Variants in DOK5 observed in about 807,000 individuals in gnomAD.
DOK5 encodes downstream of tyrosine kinase 5.
A neutral mutation model predicts 43.3 loss-of-function variants in DOK5; 27 were observed. The ratio of observed to expected loss-of-function variants is 0.62; its 90% confidence interval spans 0.46 to 0.86. DOK5 has a LOEUF of 0.86. DOK5 is among the 40% of genes least tolerant of loss of function. The pLI, the probability that DOK5 is intolerant of heterozygous loss-of-function variation, is 0.00. For synonymous variants in DOK5, 146 were observed against 140.1 expected (o/e 1.04, Z -0.30); for missense variants, 373 against 392.9 (o/e 0.95, Z 0.43).
intron 6 of DOK5, among the ~76,000 whole-genome samples, chr20:54,614,797 C>A (rs189178502): frequency 6.6e-6 from 1 of 152,068 alleles, no homozygotes; most frequent in Non-Finnish European, 1.5e-5. Flanking sequence ...AGGAGTTAAA[C>A]GAGGGATTGT....
chr20:54,623,690 C>T (rs1600745659), intron 6 of DOK5, among the ~76,000 whole-genome samples: 2 of 152,166 alleles, frequency 1.3e-5, no homozygotes, highest in East Asian at 3.9e-4. Context: ...AGCAATTCTC[C>T]TGCCTCAGCC....
chr20:54,609,698 C>G (rs946098651), intron 5 of DOK5, among the ~76,000 whole-genome samples: 5 of 152,030 alleles, frequency 3.3e-5, no homozygotes, highest in Non-Finnish European at 1.5e-5. Flanking sequence ...ATTTATTTCT[C>G]TTTGTTTACC....
chr20:54,571,668 C>G (rs570900609), intron 2 of DOK5, among the ~76,000 whole-genome samples: 5 of 152,132 alleles, frequency 3.3e-5, no homozygotes, highest in Non-Finnish European at 7.4e-5. Context: ...GACTGAGGAC[C>G]ACTGGCCTGT....
intron 6 of DOK5, among the ~76,000 whole-genome samples, chr20:54,616,020 AG>A (rs1306604252): frequency 1.3e-5 from 2 of 152,190 alleles, no homozygotes; most frequent in Non-Finnish European, 2.9e-5. Flanking sequence ...TAGAACCGTA[AG>A]ACAATAAATT....
chr20:54,593,744 C>A (rs1189243143), intron 5 of DOK5, among the ~76,000 whole-genome samples: 1 of 152,112 alleles, frequency 6.6e-6, no homozygotes, highest in Non-Finnish European at 1.5e-5. Context: ...TGGAATCAAC[C>A]CAAATGCTCA....
At chr20:54,517,570 A>C (rs1983242101) in intron 1 of DOK5, among the ~76,000 whole-genome samples, 1 of 152,138 alleles carries the variant, frequency 6.6e-6, no homozygotes, top group African/African-American at 2.4e-5. Context: ...GTTTTCTTTT[A>C]TAGGCTTTAT....
chr20:54,488,865 T>A (rs1159998502), intron 1 of DOK5, among the ~76,000 whole-genome samples: 2 of 149,682 alleles, frequency 1.3e-5, no homozygotes, highest in East Asian at 4.1e-4. Context: ...TTTATGCCCA[T>A]TTTACAAATT....
chr20:54,481,007 A>ATCATCTG (rs1308905467), intron 1 of DOK5, among the ~76,000 whole-genome samples: 1 of 134,762 alleles, frequency 7.4e-6, no homozygotes, highest in East Asian at 2.0e-4. Flanking sequence ...TCTATCATCT[A>ATCATCTG]TCATCTATCT....
chr20:54,606,986 A>G (rs189474812), intron 5 of DOK5, among the ~76,000 whole-genome samples: 4 of 152,334 alleles, frequency 2.6e-5, no homozygotes, highest in African/African-American at 9.6e-5. Flanking sequence ...TTTGACTCTC[A>G]CAACTTAAAA....
chr20:54,615,374 G>A (rs1178630084), intron 6 of DOK5, among the ~76,000 whole-genome samples: 1 of 152,120 alleles, frequency 6.6e-6, no homozygotes, highest in East Asian at 1.9e-4. Context: ...AGGTGTGATC[G>A]AGTTAAGGAT....
intron 5 of DOK5, among the ~76,000 whole-genome samples, chr20:54,602,370 C>T (rs926515911): frequency 3.9e-5 from 6 of 152,104 alleles, no homozygotes; most frequent in African/African-American, 7.2e-5. Context: ...TCTTATCTTC[C>T]AGACATAGCT....
intron 6 of DOK5, among the ~76,000 whole-genome samples, chr20:54,624,695 G>T (rs532287410): frequency 2.6e-5 from 4 of 152,162 alleles, no homozygotes; most frequent in Admixed American, 6.5e-5. Context: ...AAAAGTTACC[G>T]GAGGCAAAGG....
intron 6 of DOK5, among the ~76,000 whole-genome samples, chr20:54,627,037 G>A (rs552598212): frequency 6.6e-6 from 1 of 152,294 alleles, no homozygotes; most frequent in South Asian, 2.1e-4. Context: ...AAAGTTTGCC[G>A]ACTTTGTTCC....
intron 6 of DOK5, among the ~76,000 whole-genome samples, chr20:54,632,571 GGGA>G (rs1384095501): frequency 6.6e-6 from 1 of 152,188 alleles, no homozygotes; most frequent in African/African-American, 2.4e-5. Flanking sequence ...TGAGGACTAA[GGGA>G]GATTAAATAA....
At position 54,644,332 on chromosome 20, in the gene DOK5, G is replaced by C. The variant is rs1320246564; in HGVS notation, c.856+754G>C. Reference sequence around the variant, plus strand: ...CACGCCTGTAATATCAGCACTTTGGGAGGCCAAGGCGGTCAGATCACCTGA... The same window carrying C: ...CACGCCTGTAATATCAGCACTTTGGCAGGCCAAGGCGGTCAGATCACCTGA... On this transcript the variant is annotated intron_variant, in intron 7 of 7. Transcript: ENST00000262593. Among the ~76,000 whole-genome samples the C allele has an allele frequency of 2.0e-5, 3 of 152,160 alleles. No homozygotes were observed. In the East Asian group the frequency reaches 5.8e-4, roughly 29 times the overall value.
At chr20:54,644,878 A>AAAT (rs533483905) in intron 7 of DOK5, among the ~76,000 whole-genome samples, 2,844 of 151,480 alleles carry the variant, frequency 0.019, 47 homozygotes, top group Middle Eastern at 0.041. Flanking sequence ...CAAAAAAAAA[A>AAAT]AATTCTATTT....
intron 1 of DOK5, among the ~76,000 whole-genome samples, chr20:54,514,167 T>C (rs1284147354): frequency 6.6e-6 from 1 of 152,224 alleles, no homozygotes; most frequent in Non-Finnish European, 1.5e-5. Flanking sequence ...TGGCTCTGAA[T>C]ACAGGGCTCC....
At chr20:54,481,022 A>G (rs1355512067) in intron 1 of DOK5, among the ~76,000 whole-genome samples, 1 of 119,162 alleles carries the variant, frequency 8.4e-6, no homozygotes, top group African/African-American at 4.4e-5. Flanking sequence ...CTATCTATCT[A>G]TCATCTATCT....
chr20:54,635,067 G>T (rs1463727786), intron 6 of DOK5, among the ~76,000 whole-genome samples: 1 of 151,994 alleles, frequency 6.6e-6, no homozygotes, highest in Non-Finnish European at 1.5e-5. Flanking sequence ...GGGAAGTGGG[G>T]GTCAGACATG....
Sources: gnomAD v4.1 joint callset for allele counts (sites outside exome capture counted in the v4.1 genomes callset) on GRCh38, gnomAD v4.1.1 for gene constraint, MANE v1.5 for transcripts, NCBI Gene and HGNC (gene_info 2026-07-23, HGNC 2026-07-21) for gene names.